Variants in RREB1 observed in about 807,000 individuals in gnomAD.
The protein encoded by RREB1 is ras-responsive element-binding protein 1.
In RREB1, 27 loss-of-function variants were observed where a neutral mutation model predicts 117.8. The ratio of observed to expected loss-of-function variants is 0.23; its 90% CI spans 0.17 to 0.32. The LOEUF (loss-of-function observed/expected upper bound fraction) is 0.32, where lower values mean the gene tolerates loss of function less well. Among genes scored for constraint, RREB1 ranks in the 10% least tolerant of loss-of-function variants. The pLI is 1.00. For synonymous variants in RREB1, 1,298 were observed against 1,026.7 expected, an observed-to-expected ratio of 1.26 and a Z score of -5.05; for missense variants, 2,577 against 2,378.2, an observed-to-expected ratio of 1.08 and a Z score of -1.74.
At position 7,210,964 on chromosome 6, in the gene RREB1, A is replaced by C. The variant is rs763096270; in HGVS notation, c.570+16A>C. On this transcript the variant is annotated intron_variant, in intron 7 of 12. Transcript: ENST00000379938. ...AGCTAAAAAGGTCCTCTTGGCTCCC[A>C]GTGCAGATTCACCTGCTCAGGGGAC... is the stretch of plus-strand genomic sequence containing the variant. The C allele has an allele frequency of 1.2e-6, 2 of 1,611,062 alleles. No homozygotes were observed. The highest frequency in any genetic ancestry group is 1.7e-6 in the Non-Finnish European group (2 of 1,178,458).
chr6:7,223,430 G>A (rs7769430), intron 8 of RREB1, among the ~76,000 whole-genome samples: 60,562 of 151,396 alleles, frequency 0.4, 14,171 homozygotes, highest in African/African-American at 0.66. Context: ...GCGTGGTGGC[G>A]CATGCCTGTA....
In RREB1 at chr6:7,110,326, TTAGA is replaced by T. The variant is rs142359742; in HGVS notation, c.-285+2271_-285+2274del. On this transcript the variant is annotated intron_variant, in intron 1 of 12. Transcript: ENST00000379938. ...ACATATTTCAACCCGGAAGTCTGAG[TTAGA>T]TAGAGGCCAAAGTGTTGGCTAAAAC... is the stretch of plus-strand genomic sequence containing the variant. Among the ~76,000 whole-genome samples the T allele has an allele frequency of 8.3e-3, 1,268 of 152,316 alleles. 20 individuals carry two copies. Among genetic ancestry groups the T allele is most frequent in the African/African-American group, 0.029 (1,225 of 41,564 alleles).
chr6:7,203,135 C>T (rs1766078341), intron 6 of RREB1, among the ~76,000 whole-genome samples: 1 of 152,128 alleles, frequency 6.6e-6, no homozygotes, highest in African/African-American at 2.4e-5. Flanking sequence ...AGTGCTGGTT[C>T]ATGTGGACTG....
At chr6:7,223,913 ATTTC>A (rs1286344001) in intron 8 of RREB1, among the ~76,000 whole-genome samples, 3 of 152,220 alleles carry the variant, frequency 2.0e-5, no homozygotes, top group African/African-American at 7.2e-5. Flanking sequence ...ACTTGTAATA[ATTTC>A]TTATAATTTA....
chr6:7,127,550 T>C (rs1438073159), intron 1 of RREB1, among the ~76,000 whole-genome samples: 3 of 152,180 alleles, frequency 2.0e-5, no homozygotes, highest in Admixed American at 6.5e-5. Flanking sequence ...TGGAATTCTT[T>C]AGAGGAGAGG....
intron 1 of RREB1, among the ~76,000 whole-genome samples, chr6:7,109,620 C>A (rs948446533): frequency 3.3e-5 from 5 of 152,226 alleles, no homozygotes; most frequent in Non-Finnish European, 7.3e-5. Context: ...GCCGTGCATC[C>A]GTGATGGGTT....
At chr6:7,167,552 A>G (rs1018892288) in intron 1 of RREB1, among the ~76,000 whole-genome samples, 1 of 151,912 alleles carries the variant, frequency 6.6e-6, no homozygotes, top group African/African-American at 2.4e-5. Context: ...ATGGGGTTTC[A>G]CTATGTTGGC....
chr6:7,126,132 G>C (rs1048549080), intron 1 of RREB1, among the ~76,000 whole-genome samples: 5 of 152,122 alleles, frequency 3.3e-5, no homozygotes, highest in African/African-American at 1.2e-4. Context: ...CTCCTGAGTA[G>C]CTGGGATTAC....
intron 5 of RREB1, 120 bp downstream of exon 5, chr6:7,187,643 T>C: frequency 2.5e-6 from 1 of 400,586 alleles, no homozygotes; most frequent in Non-Finnish European, 4.0e-6. Flanking sequence ...AGTTAAACAC[T>C]CACTGTGAGC....
At chr6:7,150,534 G>T (rs1763070052) in intron 1 of RREB1, among the ~76,000 whole-genome samples, 1 of 151,388 alleles carries the variant, frequency 6.6e-6, no homozygotes, top group African/African-American at 2.4e-5. Flanking sequence ...GCTGAAGGTA[G>T]AAAGTATTCT....
intron 4 of RREB1, 114 bp downstream of exon 4, chr6:7,182,196 A>G (rs2113531807): frequency 1.0e-6 from 1 of 968,542 alleles, no homozygotes. Context: ...TAAAACGGAC[A>G]TACCCAGAGG....
At chr6:7,108,359 C>T (rs1236378568) in intron 1 of RREB1, among the ~76,000 whole-genome samples, 2 of 150,040 alleles carry the variant, frequency 1.3e-5, no homozygotes, top group African/African-American at 4.9e-5. Context: ...CGCTCTTTTC[C>T]CTTTCCCGAG....
chr6:7,131,754 G>A (rs753275445), intron 1 of RREB1, among the ~76,000 whole-genome samples: 1 of 152,142 alleles, frequency 6.6e-6, no homozygotes, highest in Non-Finnish European at 1.5e-5. Context: ...TAAGCCACAC[G>A]CCCGGCCAAA....
intron 1 of RREB1, among the ~76,000 whole-genome samples, chr6:7,120,908 C>G (rs1232379445): frequency 6.6e-6 from 1 of 151,246 alleles, no homozygotes; most frequent in Non-Finnish European, 1.5e-5. Flanking sequence ...CAGCCTCTGC[C>G]TCCTGCGTTC....
intron 8 of RREB1, among the ~76,000 whole-genome samples, chr6:7,221,390 T>C (rs1767247412): frequency 6.6e-6 from 1 of 152,076 alleles, no homozygotes; most frequent in Non-Finnish European, 1.5e-5. Flanking sequence ...GCCAGGATGG[T>C]CTCGATCTCC....
chr6:7,200,271 TG>T (rs1398160834), intron 6 of RREB1, among the ~76,000 whole-genome samples: 13 of 122,128 alleles, frequency 1.1e-4, no homozygotes, highest in South Asian at 4.7e-4. Flanking sequence ...TGTGTGTGTG[TG>T]TGTGTGTGTA....
chr6:7,118,833 G>C (rs1429135234), intron 1 of RREB1, among the ~76,000 whole-genome samples: 1 of 77,354 alleles, frequency 1.3e-5, no homozygotes. Context: ...TTTTTTTTTA[G>C]AGACAGGGTT....
intron 1 of RREB1, among the ~76,000 whole-genome samples, chr6:7,115,511 T>C (rs2113291934): frequency 6.6e-6 from 1 of 152,264 alleles, no homozygotes; most frequent in East Asian, 1.9e-4. Context: ...TATAGACATG[T>C]GCAATACTTG....
chr6:7,240,710 C>A (rs758245071), intron 11 of RREB1, 108 bp downstream of exon 11: 21 of 996,574 alleles, frequency 2.1e-5, no homozygotes, highest in Admixed American at 8.0e-5. Context: ...TTGTTCACTT[C>A]TCTGTAGGAT....
Sources: allele counts gnomAD v4.1 joint callset (sites outside exome capture counted in the v4.1 genomes callset), GRCh38; gene constraint gnomAD v4.1.1; transcripts MANE v1.5; gene names NCBI Gene and HGNC (gene_info 2026-07-23, HGNC 2026-07-21).